HLCS: variants seen among roughly 807,000 people sequenced by gnomAD.
The protein encoded by HLCS is biotin--protein ligase.
In HLCS, 53 loss-of-function variants were observed where a neutral mutation model predicts 75.0. The observed-to-expected ratio is 0.71, with a 90% CI of 0.57 to 0.89. The LOEUF is 0.89. HLCS is among the 40% of genes least tolerant of loss of function. The probability of loss-of-function intolerance (pLI) is 0.00; values close to 1 mark genes in which losing one functional copy is unlikely to be tolerated. For missense variants in HLCS, 966 were observed against 1,074.0 expected (o/e 0.90, Z 1.41); for synonymous variants, 431 against 428.6 (o/e 1.01, Z -0.07).
At chr21:36,966,797 A>T (rs1262066920), upstream of HLCS, among the ~76,000 whole-genome samples, 1 of 118,660 alleles carries the variant, frequency 8.4e-6, no homozygotes, top group South Asian at 3.4e-4. Flanking sequence ...GACGCGGGCA[A>T]CTGGAGGCTG....
intron 1 of HLCS, among the ~76,000 whole-genome samples, chr21:36,979,531 C>T (rs2835555): frequency 0.37 from 56,530 of 151,952 alleles, 10,620 homozygotes; most frequent in East Asian, 0.5. Flanking sequence ...TGTTGATACA[C>T]CTTGCTTTGC....
chr21:36,880,378 AAAAAC>A (rs1295277169), intron 6 of HLCS, among the ~76,000 whole-genome samples: 1 of 152,304 alleles, frequency 6.6e-6, no homozygotes, highest in African/African-American at 2.4e-5. Flanking sequence ...AATTGAGCTA[AAAAAC>A]AAAACAAAAC....
rs374318717 is a variant in HLCS at position 36,835,141 on chromosome 21, T to C, written c.1892+61719A>G. On this transcript the variant is annotated intron_variant, in intron 6 of 10. Coordinates refer to ENST00000674895, the MANE Select transcript of HLCS (RefSeq NM_001352514.2). ...TTCTAGCAGAGCAGGCAACTGCTTC[T>C]AAGATTTAAAGTAAATGGGGGATTC... Among the ~76,000 whole-genome samples, 219 of 152,346 alleles carry C rather than the reference T, an allele frequency of 1.4e-3. 2 individuals carry two copies. Among genetic ancestry groups the C allele is most frequent in the African/African-American group, 5.1e-3 (211 of 41,586 alleles).
At chr21:36,926,741 C>CTTTTTTTT (rs34057978) in intron 5 of HLCS, among the ~76,000 whole-genome samples, 2 of 127,068 alleles carry the variant, frequency 1.6e-5, no homozygotes. Flanking sequence ...GTCTTGTTTC[C>CTTTTTTTT]TTTTTTTTTT....
At chr21:36,794,722 A>G (rs1209462327) in intron 6 of HLCS, among the ~76,000 whole-genome samples, 1 of 152,116 alleles carries the variant, frequency 6.6e-6, no homozygotes, top group Non-Finnish European at 1.5e-5. Flanking sequence ...CACATGGAAA[A>G]CAGCCTGGTG....
intron 1 of HLCS, 77 bp from the exon 2 acceptor site, chr21:36,962,247 C>T (rs902396393): frequency 3.1e-6 from 3 of 975,504 alleles, no homozygotes; most frequent in Non-Finnish European, 4.2e-6. Flanking sequence ...CCCTCTGAAA[C>T]ATACCCTCCC....
chr21:36,796,872 T>TC (rs1323661997), intron 6 of HLCS, among the ~76,000 whole-genome samples: 2 of 152,098 alleles, frequency 1.3e-5, no homozygotes, highest in Non-Finnish European at 2.9e-5. Context: ...CATGATCTTT[T>TC]TTTTTTTTTC....
intron 6 of HLCS, among the ~76,000 whole-genome samples, chr21:36,858,691 T>C (rs1479189892): frequency 6.6e-6 from 1 of 152,132 alleles, no homozygotes; most frequent in East Asian, 1.9e-4. Context: ...AGTGAGGTGG[T>C]GGCTGCTGTT....
At chr21:36,912,297 C>CAA (rs747666616) in intron 5 of HLCS, among the ~76,000 whole-genome samples, 2 of 112,358 alleles carry the variant, frequency 1.8e-5, no homozygotes, top group Non-Finnish European at 1.9e-5. Context: ...ATTATTCAGC[C>CAA]AAAAAAAAAA....
intron 6 of HLCS, among the ~76,000 whole-genome samples, chr21:36,860,987 T>C (rs752683667): frequency 6.6e-6 from 1 of 152,212 alleles, no homozygotes; most frequent in Admixed American, 6.5e-5. Flanking sequence ...ATTCTATTCA[T>C]TTTCTCAATT....
intron 2 of HLCS, among the ~76,000 whole-genome samples, chr21:36,939,553 G>C (rs1054576136): frequency 6.6e-6 from 1 of 152,156 alleles, no homozygotes; most frequent in East Asian, 1.9e-4. Flanking sequence ...TCCTGCACTC[G>C]AACTGTGAGA....
At chr21:36,980,371 C>T (rs900623964) in intron 1 of HLCS, 1 of 152,184 alleles carries the variant, frequency 6.6e-6, no homozygotes, top group Non-Finnish European at 1.5e-5. Flanking sequence ...AGATTCCAGA[C>T]CTGGAAGATG....
At chr21:36,801,423 G>GA (rs898662158) in intron 6 of HLCS, among the ~76,000 whole-genome samples, 12 of 151,930 alleles carry the variant, frequency 7.9e-5, no homozygotes, top group African/African-American at 2.7e-4. Context: ...TCAAGAAAAG[G>GA]AAAAAAACAC....
intron 5 of HLCS, among the ~76,000 whole-genome samples, chr21:36,910,623 T>A (rs1199122387): frequency 6.6e-6 from 1 of 152,030 alleles, no homozygotes; most frequent in African/African-American, 2.4e-5. Context: ...ATTGATCATC[T>A]GACAACCCTT....
intron 2 of HLCS, among the ~76,000 whole-genome samples, chr21:36,956,909 C>T (rs1021939318): frequency 1.3e-5 from 2 of 151,240 alleles, no homozygotes; most frequent in Non-Finnish European, 1.5e-5. Context: ...AAAAATTAGC[C>T]GGGTATGGTG....
Position 36,842,927 on chromosome 21 carries a change from C to G in HLCS, c.1892+53933G>C, listed in dbSNP as rs1301593579. ...AGCAACATCCTCTCTCACCAATGAT[C>G]TCTTTACATTTCTAAGCCTGGCATC... On this transcript the variant is annotated intron_variant, in intron 6 of 10. Coordinates refer to ENST00000674895, the MANE Select transcript of HLCS (RefSeq NM_001352514.2). This position sits in a 1 kb window ranked among gnomAD's most constrained non-coding sequence, Gnocchi z 4.2. 2.0e-5 allele frequency among the ~76,000 whole-genome samples: 3 copies of G among 152,200 alleles called. No individual in the cohort carries two copies. The highest frequency in any genetic ancestry group is 4.4e-5 in the Non-Finnish European group (3 of 68,034).
chr21:36,897,066 G>A lies in HLCS; in HGVS notation c.1686C>T (p.Ser562=), dbSNP rs141905941. The stretch of plus-strand genomic sequence containing the variant: ...AAACAAATCTAAGAGAGAGCTGGCC[G>A]GATTTTATTTCTCCCTCGGAGTCCA... ...KHVDSEGEIK[S]GQLSLRFVSS... is the part of the protein sequence containing the mutation. Residue 562 remains serine (S), a synonymous_variant, in exon 6 of 11, where the codon TCC becomes TCT. Transcript: ENST00000674895. The A allele has an allele frequency of 7.4e-6, 12 of 1,614,024 alleles. No individual in the cohort carries two copies. The highest frequency in any genetic ancestry group is 3.3e-5 in the Admixed American group (2 of 60,006).
chr21:36,751,240 T>G lies in HLCS; in HGVS notation c.*3006A>C, dbSNP rs1470941756. On this transcript the variant is annotated 3_prime_UTR_variant, in exon 11 of 11. Transcript: ENST00000674895. ...TTGGTAGACTTGCTTTTTATAGGCA[T>G]TGGTTTAAAGTGATTCTTTTCAGAG... 6.6e-6 allele frequency: 1 copy of G among 152,648 alleles called. No individual in the cohort carries two copies. The highest frequency in any genetic ancestry group is 2.4e-5 in the African/African-American group (1 of 41,462). The allele number at this position is 152,648 out of a possible 1,614,324, so 9.5% of individuals were successfully genotyped here. A position where few individuals can be genotyped will look rare whatever the true frequency, so the allele number is the denominator to read the frequency against.
rs1372180560 is a variant in HLCS at position 36,966,456 on chromosome 21, G to A, written c.183C>T (p.Val61=). The A allele has an allele frequency of 1.0e-6, 1 of 972,052 alleles. No individual in the cohort carries two copies. Among genetic ancestry groups the A allele is most frequent in the Non-Finnish European group, 1.2e-6 (1 of 821,662 alleles). The allele number at this position is 972,052 out of a possible 1,614,324, so 60.2% of individuals were successfully genotyped here. A position where few individuals can be genotyped will look rare whatever the true frequency, so the allele number is the denominator to read the frequency against. The change falls in exon 1 of 11, where the codon GTC becomes GTT. Residue 61 remains valine, a synonymous_variant. Transcript: ENST00000674895. ...CCGACCCGCCCACCTGGCTGTCGCT[G>A]ACGCAGAAGACGCGGCCGCCACGGC... ...CLSRGGRVFC[V]SDSQSIEDLN... is the part of the protein sequence containing the mutation.
Sources: allele counts gnomAD v4.1 joint callset (sites outside exome capture counted in the v4.1 genomes callset), GRCh38; gene constraint gnomAD v4.1.1; non-coding constraint Gnocchi (gnomAD v3.1); transcripts MANE v1.5; gene names NCBI Gene and HGNC (gene_info 2026-07-23, HGNC 2026-07-21).